CLVS1: variants seen among roughly 807,000 people sequenced by gnomAD.
The protein encoded by CLVS1 is clavesin 1.
In CLVS1, 10 loss-of-function variants were observed where a neutral mutation model predicts 33.1. That is an observed-to-expected ratio of 0.30 (90% CI 0.19 to 0.51). The LOEUF is 0.51. CLVS1 is among the 20% of genes least tolerant of loss of function. The pLI, the probability that CLVS1 is intolerant of heterozygous loss-of-function variation, is 0.97. For synonymous variants in CLVS1, 163 were observed against 166.1 expected (o/e 0.98, Z 0.14); for missense variants, 343 against 433.4 (o/e 0.79, Z 1.85).
chr8:61,180,677 G>A (rs1329658037), intron 2 of CLVS1, among the ~76,000 whole-genome samples: 3 of 152,178 alleles, frequency 2.0e-5, no homozygotes, highest in Non-Finnish European at 4.4e-5. Flanking sequence ...ACGCAAGTCT[G>A]GTTCAACATA....
At chr8:60,976,189 A>G in the CLVS1 span, among the ~76,000 whole-genome samples, 1 of 152,166 alleles carries the variant, frequency 6.6e-6, no homozygotes, top group Admixed American at 6.5e-5. Context: ...TTTAAAGAAT[A>G]TCTGTGACTT....
chr8:61,079,263 G>A (rs1804979615), intron 1 of CLVS1, among the ~76,000 whole-genome samples: 1 of 152,186 alleles, frequency 6.6e-6, no homozygotes, highest in South Asian at 2.1e-4. Context: ...CAGGGGAGGG[G>A]TGGTTTGGTG....
At chr8:60,968,071 T>C in the CLVS1 span, among the ~76,000 whole-genome samples, 1 of 152,270 alleles carries the variant, frequency 6.6e-6, no homozygotes, top group Admixed American at 6.5e-5. Flanking sequence ...CCCAAGTCGC[T>C]GGGACCACAG....
the CLVS1 span, among the ~76,000 whole-genome samples, chr8:61,030,870 C>T: frequency 1.3e-5 from 2 of 152,124 alleles, no homozygotes; most frequent in Admixed American, 1.3e-4. Context: ...GGAGTCAGGC[C>T]ACCTGGGACC....
intron 2 of CLVS1, among the ~76,000 whole-genome samples, chr8:61,145,586 T>G (rs1806400724): frequency 6.6e-6 from 1 of 152,196 alleles, no homozygotes; most frequent in African/African-American, 2.4e-5. Flanking sequence ...GCTGCATCAG[T>G]GTCTCCAGTG....
At chr8:61,232,031 T>TGTTTGTTTGTTTGTTTGTTTG (rs1554548363) in intron 2 of CLVS1, among the ~76,000 whole-genome samples, 8 of 62,474 alleles carry the variant, frequency 1.3e-4, no homozygotes, top group Admixed American at 3.6e-4. Context: ...TGGTTTTTTT[T>TGTTTGTTTGTTTGTTTGTTTG]TTTTTTTTTT....
At chr8:61,110,770 T>A (rs1016572252) in intron 1 of CLVS1, among the ~76,000 whole-genome samples, 4 of 152,240 alleles carry the variant, frequency 2.6e-5, no homozygotes, top group Admixed American at 6.5e-5. Context: ...ACTTGAATTA[T>A]CTCACATAAC....
At chr8:61,134,446 C>A (rs532940575) in intron 2 of CLVS1, among the ~76,000 whole-genome samples, 2 of 152,168 alleles carry the variant, frequency 1.3e-5, no homozygotes, top group East Asian at 1.9e-4. Context: ...TGTTAAAAAA[C>A]AAATCAAAAG....
chr8:61,446,438 A>T (rs572870990), intron 3 of CLVS1, among the ~76,000 whole-genome samples: 1 of 152,162 alleles, frequency 6.6e-6, no homozygotes, highest in Non-Finnish European at 1.5e-5. Flanking sequence ...TCTTACCATT[A>T]TGGAGGCTGA....
chr8:61,272,948 C>T (rs1809477661), intron 2 of CLVS1, among the ~76,000 whole-genome samples: 2 of 149,476 alleles, frequency 1.3e-5, no homozygotes, highest in South Asian at 2.1e-4. Flanking sequence ...AATGTCCTCC[C>T]GTAGCTCAGA....
chr8:61,158,826 ATG>A (rs894416160), intron 2 of CLVS1, among the ~76,000 whole-genome samples: 1 of 151,700 alleles, frequency 6.6e-6, no homozygotes, highest in Non-Finnish European at 1.5e-5. Flanking sequence ...TCTTTTTAAA[ATG>A]TAGATCTTTT....
At chr8:61,246,166 A>ATTT (rs1808803030) in intron 2 of CLVS1, among the ~76,000 whole-genome samples, 1 of 82,424 alleles carries the variant, frequency 1.2e-5, no homozygotes. Flanking sequence ...TTCCTTCCCA[A>ATTT]CTTTTTTTTT....
At position 61,195,382 on chromosome 8, in the gene CLVS1, T is replaced by C. The variant is rs1291525017; in HGVS notation, c.-152+63522T>C. 4.6e-5 allele frequency among the ~76,000 whole-genome samples: 7 copies of C among 152,154 alleles called. No individual in the cohort carries two copies. The East Asian group carries it at 1.3e-3, about 29-fold the overall frequency. ...TGCAGAATTACATTTTCTCCCACTT[T>C]TAAAAGTTATTCTTACTAATAAAGT... On this transcript the variant is annotated intron_variant, in intron 2 of 2. Coordinates refer to the CLVS1 transcript ENST00000522621.
At chr8:61,134,367 T>C (rs1438047625) in intron 2 of CLVS1, among the ~76,000 whole-genome samples, 1 of 152,168 alleles carries the variant, frequency 6.6e-6, no homozygotes, top group Admixed American at 6.5e-5. Context: ...CTGTACCTAA[T>C]GGCCAGATCT....
intron 2 of CLVS1, among the ~76,000 whole-genome samples, chr8:61,177,376 T>C (rs1427806771): frequency 6.6e-6 from 1 of 152,234 alleles, no homozygotes; most frequent in Non-Finnish European, 1.5e-5. Flanking sequence ...ATAGTCTCCA[T>C]GGACCAGCAT....
chr8:61,153,609 C>T (rs1038929874), intron 2 of CLVS1, among the ~76,000 whole-genome samples: 8 of 152,106 alleles, frequency 5.3e-5, no homozygotes, highest in African/African-American at 9.7e-5. Context: ...GTTTGTGCCA[C>T]GGTCGGGGAG....
Position 61,483,108 on chromosome 8 carries a change from C to A in CLVS1, c.978-16347C>A, listed in dbSNP as rs577655656. ...ACTAAGATCAGAGCAGAACTGAAGG[C>A]GATAGAGACACAAAAGATCCTTCAA... On this transcript the variant is annotated intron_variant, in intron 5 of 5. Coordinates refer to ENST00000325897, the MANE Select transcript of CLVS1 (RefSeq NM_173519.3). 6.6e-5 allele frequency among the ~76,000 whole-genome samples: 10 copies of A among 152,018 alleles called. No homozygotes were observed. In the South Asian group the frequency reaches 1.0e-3, roughly 16 times the overall value.
chr8:61,272,784 A>G (rs1385229145), intron 2 of CLVS1, among the ~76,000 whole-genome samples: 2 of 152,152 alleles, frequency 1.3e-5, no homozygotes, highest in South Asian at 2.1e-4. Context: ...AGTTGATCAC[A>G]TCGGCTCCTG....
intron 2 of CLVS1, among the ~76,000 whole-genome samples, chr8:61,310,206 G>T (rs1563489648): frequency 2.6e-5 from 4 of 152,166 alleles, no homozygotes; most frequent in South Asian, 4.1e-4. Flanking sequence ...TTTCTTTTGA[G>T]TTTGAGAATG....
Sources: allele counts gnomAD v4.1 joint callset (sites outside exome capture counted in the v4.1 genomes callset), GRCh38; gene constraint gnomAD v4.1.1; transcripts MANE v1.5; gene names NCBI Gene and HGNC (gene_info 2026-07-23, HGNC 2026-07-21).